The following SRGAP3 variants were observed in gnomAD, a reference collection of about 807,000 sequenced individuals.
The protein encoded by SRGAP3 is SLIT-ROBO Rho GTPase activating protein 3.
Under a neutral mutation model 121.1 loss-of-function variants are expected in SRGAP3, and 39 were observed. The observed-to-expected ratio is 0.32, with a 90% CI of 0.25 to 0.42. The LOEUF (loss-of-function observed/expected upper bound fraction) is 0.42. SRGAP3 is among the 10% of genes least tolerant of loss of function. The pLI, the probability that SRGAP3 is intolerant of heterozygous loss-of-function variation, is 1.00. For missense variants in SRGAP3, 1,213 were observed against 1,470.6 expected, an observed-to-expected ratio of 0.82 and a Z score of 2.86; for synonymous variants, 601 against 570.0, an observed-to-expected ratio of 1.05 and a Z score of -0.77.
chr3:9,299,754 A>G (rs1188662521), intron 3 of SRGAP3, among the ~76,000 whole-genome samples: 1 of 152,052 alleles, frequency 6.6e-6, no homozygotes, highest in East Asian at 1.9e-4. Context: ...CACTAAAAAT[A>G]CAAAAATTAG....
intron 1 of SRGAP3, chr3:9,350,191 A>C (rs1220804869): frequency 1.3e-5 from 2 of 152,244 alleles, no homozygotes; most frequent in African/African-American, 4.8e-5. Flanking sequence ...TACGTGCACA[A>C]TTTAATTCAG....
intron 3 of SRGAP3, among the ~76,000 whole-genome samples, chr3:9,323,798 A>AACACAC (rs139013302): frequency 0.034 from 5,058 of 148,780 alleles, 143 homozygotes; most frequent in African/African-American, 0.072. Context: ...CTGTGTATCT[A>AACACAC]ACACACACAC....
At chr3:9,348,335 A>T (rs982116084) in intron 1 of SRGAP3, 2 of 418,294 alleles carry the variant, frequency 4.8e-6, no homozygotes, top group Non-Finnish European at 9.0e-6. Context: ...TGAAAAGAAG[A>T]GTGGAAAGAA....
In SRGAP3 at chr3:9,309,066, TGCTTCCACATTCAG is replaced by T. The variant is rs567604391; in HGVS notation, n.442+16930_442+16943del. ...ATGGTTCAAACAGAGGCTAGATAAG[TGCTTCCACATTCAG>T]GCTTGTCCCCTCAGGATGCTCCTTT... On this transcript the variant is annotated intron_variant and non_coding_transcript_variant, in intron 3 of 3. Transcript: ENST00000490889. Among the ~76,000 whole-genome samples, 123 of 152,320 alleles carry T rather than the reference TGCTTCCACATTCAG, an allele frequency of 8.1e-4. 1 individual carries two copies. The highest frequency in any genetic ancestry group is 3.4e-3 in the Middle Eastern group (1 of 294).
intron 3 of SRGAP3, among the ~76,000 whole-genome samples, chr3:9,274,517 C>A (rs1954535193): frequency 6.6e-6 from 1 of 152,286 alleles, no homozygotes; most frequent in South Asian, 2.1e-4. Flanking sequence ...TGCCTGTGAC[C>A]CCTGAAGCCC....
chr3:9,240,311 C>G (rs995939928), intron 1 of SRGAP3, among the ~76,000 whole-genome samples: 8 of 152,098 alleles, frequency 5.3e-5, no homozygotes, highest in Non-Finnish European at 1.2e-4. Context: ...CAAGTGAAAT[C>G]AAGCCCAAGA....
chr3:9,199,144 CAAG>C (rs1411790807), intron 1 of SRGAP3, among the ~76,000 whole-genome samples: 2 of 152,180 alleles, frequency 1.3e-5, no homozygotes, highest in Admixed American at 6.5e-5. Context: ...GTTTAATCTC[CAAG>C]AAGGATGCTC....
intron 1 of SRGAP3, among the ~76,000 whole-genome samples, chr3:9,247,314 G>A (rs1046518551): frequency 1.6e-4 from 24 of 148,794 alleles, no homozygotes; most frequent in African/African-American, 5.6e-4. Flanking sequence ...CTGAGACATC[G>A]TAAGTCACTG....
chr3:9,194,091 C>T (rs931491301), intron 1 of SRGAP3: 1 of 152,262 alleles, frequency 6.6e-6, no homozygotes, highest in Middle Eastern at 3.4e-3. Context: ...CCCATTCCAC[C>T]CAGAAGAAAG....
At chr3:9,030,952 T>C (rs1237340514) in intron 12 of SRGAP3, among the ~76,000 whole-genome samples, 3 of 16,858 alleles carry the variant, frequency 1.8e-4, no homozygotes. Flanking sequence ...CTGAACTTCT[T>C]TTTTTTTGTT....
chr3:9,346,399 T>G (rs961565410), intron 1 of SRGAP3, among the ~76,000 whole-genome samples: 2 of 152,038 alleles, frequency 1.3e-5, no homozygotes, highest in African/African-American at 2.4e-5. Flanking sequence ...CTTGCCAGCA[T>G]GCCAGACTTG....
chr3:9,113,079 G>A (rs901592381), intron 2 of SRGAP3, among the ~76,000 whole-genome samples: 3 of 152,212 alleles, frequency 2.0e-5, no homozygotes, highest in Non-Finnish European at 4.4e-5. Context: ...ACAGGGACTG[G>A]ATGAGGGTCA....
At chr3:9,258,706 G>A (rs1010046844) in intron 3 of SRGAP3, among the ~76,000 whole-genome samples, 1 of 152,166 alleles carries the variant, frequency 6.6e-6, no homozygotes, top group African/African-American at 2.4e-5. Flanking sequence ...ATTGCCCCCT[G>A]TATTTTCGGA....
chr3:9,148,125 T>TA (rs1265001576), intron 1 of SRGAP3, among the ~76,000 whole-genome samples: 2 of 152,076 alleles, frequency 1.3e-5, no homozygotes, highest in Non-Finnish European at 2.9e-5. Context: ...AGGACAACGC[T>TA]AATCACCAAG....
chr3:9,326,191 T>A (rs1272862794), intron 2 of SRGAP3: 2 of 151,956 alleles, frequency 1.3e-5, no homozygotes, highest in Non-Finnish European at 2.9e-5. Context: ...GGGATTGTTA[T>A]CAGTGAACCA....
intron 3 of SRGAP3, among the ~76,000 whole-genome samples, chr3:9,302,446 T>A (rs1025414375): frequency 3.0e-4 from 45 of 152,120 alleles, no homozygotes; most frequent in Non-Finnish European, 4.4e-5. Context: ...CAGCCAGGCA[T>A]GACATGGTGT....
chr3:9,265,152 G>A (rs1159735571), intron 3 of SRGAP3, among the ~76,000 whole-genome samples: 1 of 152,110 alleles, frequency 6.6e-6, no homozygotes, highest in Non-Finnish European at 1.5e-5. Context: ...AAATGGTGTT[G>A]GAAAAACTGG....
At chr3:9,138,614 A>G (rs528673030) in intron 1 of SRGAP3, among the ~76,000 whole-genome samples, 1 of 152,344 alleles carries the variant, frequency 6.6e-6, no homozygotes, top group East Asian at 1.9e-4. Context: ...TACAGATTGA[A>G]CATCCCTGAT....
At chr3:9,057,017 G>C (rs2125176379) in intron 7 of SRGAP3, among the ~76,000 whole-genome samples, 1 of 152,286 alleles carries the variant, frequency 6.6e-6, no homozygotes, top group East Asian at 1.9e-4. Flanking sequence ...GAGTAGCTGG[G>C]ACTACAGGCA....
Sources: allele counts gnomAD v4.1 joint callset (sites outside exome capture counted in the v4.1 genomes callset), GRCh38; gene constraint gnomAD v4.1.1; transcripts MANE v1.5; gene names NCBI Gene and HGNC (gene_info 2026-07-23, HGNC 2026-07-21).